PTPRD: variants seen among roughly 807,000 people sequenced by gnomAD.
PTPRD encodes the protein receptor-type tyrosine-protein phosphatase delta.
A neutral mutation model predicts 214.5 loss-of-function variants in PTPRD; 34 were observed. The observed-to-expected ratio is 0.16, with a 90% CI of 0.12 to 0.21. PTPRD has a LOEUF of 0.21. PTPRD is among the 10% of genes least tolerant of loss of function. PTPRD has a pLI of 1.00. For synonymous variants in PTPRD, 1,128 were observed against 845.7 expected (o/e 1.33, Z -5.79); for missense variants, 2,545 against 2,398.7 (o/e 1.06, Z -1.27).
chr9:9,500,548 C>G (rs1342457381), intron 8 of PTPRD, among the ~76,000 whole-genome samples: 2 of 151,830 alleles, frequency 1.3e-5, no homozygotes, highest in African/African-American at 4.9e-5. Flanking sequence ...GAGAGCTCTG[C>G]AGATGGCACC....
intron 10 of PTPRD, among the ~76,000 whole-genome samples, chr9:9,029,628 T>C (rs1376556788): frequency 6.6e-6 from 1 of 151,840 alleles, no homozygotes; most frequent in African/African-American, 2.4e-5. Context: ...GACTGTAAAC[T>C]GAGGAGGCAA....
At chr9:10,156,369 T>C (rs528415089) in intron 3 of PTPRD, among the ~76,000 whole-genome samples, 6 of 152,274 alleles carry the variant, frequency 3.9e-5, no homozygotes, top group African/African-American at 1.2e-4. Context: ...AACTTCTTGA[T>C]TTCTCCCTTA....
intron 9 of PTPRD, among the ~76,000 whole-genome samples, chr9:9,378,874 TAA>T (rs2140211687): frequency 6.6e-6 from 1 of 152,194 alleles, no homozygotes; most frequent in Admixed American, 6.5e-5. Flanking sequence ...TGTTGATTTT[TAA>T]GTTTCTTATA....
At chr9:9,286,817 A>C (rs889230121) in intron 9 of PTPRD, among the ~76,000 whole-genome samples, 3 of 141,886 alleles carry the variant, frequency 2.1e-5, no homozygotes, top group Non-Finnish European at 4.6e-5. Flanking sequence ...TGAAAAAATG[A>C]TGCTCAAAAA....
chr9:9,851,074 C>A lies in PTPRD; in HGVS notation c.-367-84223G>T, dbSNP rs141401689. 5.3e-5 allele frequency among the ~76,000 whole-genome samples: 8 copies of A among 152,174 alleles called. No individual in the cohort carries two copies. The East Asian group carries it at 1.5e-3, about 29-fold the overall frequency. On this transcript the variant is annotated intron_variant, in intron 5 of 45. Coordinates refer to ENST00000381196, the MANE Select transcript of PTPRD (RefSeq NM_002839.4). ...TATCTGCAAATTGGGGATCACAATA[C>A]CTAAAAGTTATAAGCTTATTTAAGG...
At chr9:8,428,285 C>T (rs1219963289) in intron 35 of PTPRD, among the ~76,000 whole-genome samples, 1 of 152,246 alleles carries the variant, frequency 6.6e-6, no homozygotes, top group African/African-American at 2.4e-5. Context: ...CTCTCCCACA[C>T]CCACCTCCAA....
chr9:9,951,612 T>C (rs910494758), intron 4 of PTPRD, among the ~76,000 whole-genome samples: 1 of 152,234 alleles, frequency 6.6e-6, no homozygotes, highest in Non-Finnish European at 1.5e-5. Context: ...TACATGGATA[T>C]TATCTGAGAT....
At chr9:10,098,358 G>C in intron 3 of PTPRD, among the ~76,000 whole-genome samples, 1 of 139,494 alleles carries the variant, frequency 7.2e-6, no homozygotes, top group South Asian at 2.6e-4. Context: ...TTGGGGGAGG[G>C]GGGAGGGATA....
intron 12 of PTPRD, among the ~76,000 whole-genome samples, chr9:8,677,976 G>A (rs747465643): frequency 2.0e-5 from 3 of 152,156 alleles, no homozygotes; most frequent in Non-Finnish European, 2.9e-5. Flanking sequence ...CTTTGTGGGT[G>A]CAGGCCTGCA....
At chr9:10,272,664 T>C (rs2094484750) in intron 3 of PTPRD, among the ~76,000 whole-genome samples, 1 of 152,216 alleles carries the variant, frequency 6.6e-6, no homozygotes, top group South Asian at 2.1e-4. Context: ...TCTCTTTCCA[T>C]TTCACAAATC....
chr9:9,394,781 G>T (rs904106263), intron 9 of PTPRD, among the ~76,000 whole-genome samples: 3 of 151,980 alleles, frequency 2.0e-5, no homozygotes, highest in Admixed American at 6.6e-5. Context: ...GTGTTGTGTG[G>T]TCTAAAACAA....
chr9:10,104,350 A>T (rs149942491), intron 3 of PTPRD, among the ~76,000 whole-genome samples: 1,600 of 151,824 alleles, frequency 0.011, 28 homozygotes, highest in African/African-American at 0.037. Context: ...TTTTATAATT[A>T]AAAAAAGAAT....
chr9:9,218,345 A>T (rs949499670), intron 9 of PTPRD, among the ~76,000 whole-genome samples: 1 of 152,082 alleles, frequency 6.6e-6, no homozygotes, highest in African/African-American at 2.4e-5. Context: ...TCCCTGTCAC[A>T]CTTCATTTTT....
intron 10 of PTPRD, among the ~76,000 whole-genome samples, chr9:9,119,139 T>G (rs1411644492): frequency 1.3e-5 from 2 of 152,236 alleles, no homozygotes; most frequent in Non-Finnish European, 2.9e-5. Context: ...CTGGGTTCTC[T>G]GCAGAAGTGA....
At chr9:9,151,573 C>T (rs1466631174) in intron 10 of PTPRD, among the ~76,000 whole-genome samples, 1 of 152,122 alleles carries the variant, frequency 6.6e-6, no homozygotes, top group Non-Finnish European at 1.5e-5. Context: ...TGGTTGAATA[C>T]CAACTAGGAA....
At chr9:9,653,549 C>T (rs1034711884) in intron 7 of PTPRD, among the ~76,000 whole-genome samples, 1 of 152,074 alleles carries the variant, frequency 6.6e-6, no homozygotes, top group Non-Finnish European at 1.5e-5. Context: ...CAACAGCCTC[C>T]AGCTTCCATT....
chr9:9,409,621 T>C (rs967779017), intron 8 of PTPRD, among the ~76,000 whole-genome samples: 15 of 151,402 alleles, frequency 9.9e-5, no homozygotes, highest in Non-Finnish European at 1.5e-4. Context: ...ATATAAAAAG[T>C]ACAAGCCACA....
At chr9:9,636,524 A>AT (rs1399145933) in intron 7 of PTPRD, among the ~76,000 whole-genome samples, 1 of 152,236 alleles carries the variant, frequency 6.6e-6, no homozygotes, top group East Asian at 1.9e-4. Flanking sequence ...AACTTGGTCA[A>AT]TGAGATATAA....
rs1564093750 is a variant in PTPRD at position 8,341,122 on chromosome 9, A to G, written c.5094T>C (p.Asp1698=). The part of the protein sequence containing the change: ...LQPIRGVEGS[D]YINASFIDGY... Reference sequence around the variant, plus strand: ...CATCAATAAAACTGGCATTGATGTAATCAGATCCTTCTACTCCACGGATAG... The same window carrying G: ...CATCAATAAAACTGGCATTGATGTAGTCAGATCCTTCTACTCCACGGATAG... The change falls in exon 41 of 46, where the codon GAT becomes GAC. Residue 1698 remains aspartate, a synonymous_variant. Coordinates refer to ENST00000381196, the MANE Select transcript of PTPRD (RefSeq NM_002839.4). 6.2e-7 allele frequency: 1 copy of G among 1,612,702 alleles called. No homozygotes were observed. The highest frequency in any genetic ancestry group is 1.7e-4 in the Middle Eastern group (1 of 6,046).
Sources: gnomAD v4.1 joint callset for allele counts (sites outside exome capture counted in the v4.1 genomes callset) on GRCh38, gnomAD v4.1.1 for gene constraint, MANE v1.5 for transcripts, NCBI Gene and HGNC (gene_info 2026-07-23, HGNC 2026-07-21) for gene names.